Variants in ZBTB49 observed in about 807,000 individuals in gnomAD.
The protein encoded by ZBTB49 is zinc finger and BTB domain containing 49, also known as zinc finger and BTB domain-containing protein 49.
A neutral mutation model predicts 57.5 loss-of-function variants in ZBTB49; 43 were observed. The observed-to-expected ratio is 0.75, with a 90% CI of 0.59 to 0.97. The LOEUF (loss-of-function observed/expected upper bound fraction) is 0.97, where lower values mean the gene tolerates loss of function less well. ZBTB49 is among the 50% of genes least tolerant of loss of function. The probability of loss-of-function intolerance (pLI) is 0.00; values close to 1 mark genes in which losing one functional copy is unlikely to be tolerated. For synonymous variants in ZBTB49, 369 were observed against 362.1 expected, an observed-to-expected ratio of 1.02 and a Z score of -0.22; for missense variants, 938 against 947.7, an observed-to-expected ratio of 0.99 and a Z score of 0.13.
At chr4:4,316,312 G>A (rs1250613138) in intron 7 of ZBTB49, among the ~76,000 whole-genome samples, 8 of 152,260 alleles carry the variant, frequency 5.3e-5, no homozygotes, top group Non-Finnish European at 8.8e-5. Context: ...CAGCGGTCCC[G>A]CCAGAGCATT....
Position 4,302,297 on chromosome 4 carries a change from C to G in ZBTB49, c.461C>G (p.Pro154Arg), listed in dbSNP as rs886707920. The G allele has an allele frequency of 2.5e-6, 4 of 1,614,144 alleles. No individual in the cohort carries two copies. The highest frequency in any genetic ancestry group is 1.1e-5 in the South Asian group (1 of 91,082). Residue 154 changes from proline to arginine, a missense_variant, in exon 3 of 8, where the codon CCT becomes CGT. By Grantham distance (103) the Pro-to-Arg change is moderately radical. Coordinates refer to ENST00000337872, the MANE Select transcript of ZBTB49 (RefSeq NM_145291.4). The part of the protein sequence containing the change: ...ATCVISENYP[P>R]HLLQECSADA... Reference sequence around the variant, plus strand: ...TGTGTTATCAGTGAAAACTACCCCCCTCATTTACTGCAGGAATGTTCAGCA... The same window carrying G: ...TGTGTTATCAGTGAAAACTACCCCCGTCATTTACTGCAGGAATGTTCAGCA...
At chr4:4,300,925 G>A (rs1044555107) in intron 2 of ZBTB49, among the ~76,000 whole-genome samples, 4 of 151,506 alleles carry the variant, frequency 2.6e-5, no homozygotes, top group African/African-American at 9.7e-5. Flanking sequence ...TACTGCTCTA[G>A]TAGACAACGT....
chr4:4,297,608 A>C (rs995700202), intron 1 of ZBTB49, among the ~76,000 whole-genome samples: 2 of 151,984 alleles, frequency 1.3e-5, no homozygotes, highest in African/African-American at 4.8e-5. Context: ...AATGTAGCAA[A>C]ACCCCATCTC....
In ZBTB49 at chr4:4,302,827, G is replaced by C. The variant is rs1395331414; in HGVS notation, c.991G>C (p.Asp331His). ...GCAAGTATCTGAACCCAAGTCAGAT[G>C]ATGGTTTGACAAAGAGGTTGGAATC... The part of the protein sequence containing the change: ...AEQVSEPKSD[D>H]GLTKRLESAS... Residue 331 changes from aspartate to histidine, a missense_variant, in exon 3 of 8, where the codon GAT becomes CAT. Physicochemically the swap from Asp to His is moderately conservative, Grantham distance 81. Coordinates refer to ENST00000337872, the MANE Select transcript of ZBTB49 (RefSeq NM_145291.4). The C allele has an allele frequency of 6.2e-7, 1 of 1,614,036 alleles. No individual in the cohort carries two copies. The highest frequency in any genetic ancestry group is 1.7e-5 in the Admixed American group (1 of 60,024).
chr4:4,290,651 C>G (rs1280692758), intron 1 of ZBTB49, among the ~76,000 whole-genome samples: 1 of 152,252 alleles, frequency 6.6e-6, no homozygotes, highest in Admixed American at 6.5e-5. Context: ...CCCACCCGCG[C>G]CCTCTCATCT....
chr4:4,315,084 A>G (rs1560115519), intron 5 of ZBTB49, among the ~76,000 whole-genome samples: 1 of 152,284 alleles, frequency 6.6e-6, no homozygotes, highest in East Asian at 1.9e-4. Context: ...TGACAGCCAT[A>G]CCTCTTGGTC....
intron 7 of ZBTB49, 123 bp downstream of exon 7, chr4:4,316,093 C>T: frequency 7.9e-7 from 1 of 1,262,692 alleles, no homozygotes; most frequent in South Asian, 1.5e-5. Context: ...TTTTTTATTG[C>T]CTCACATGAT....
intron 2 of ZBTB49, among the ~76,000 whole-genome samples, chr4:4,301,385 A>G (rs1025151308): frequency 2.0e-5 from 3 of 152,194 alleles, no homozygotes; most frequent in Admixed American, 1.3e-4. Context: ...TGGCTGGCTG[A>G]AAAACCTAAC....
Position 4,301,967 on chromosome 4 carries a change from C to A in ZBTB49, c.153-22C>A, listed in dbSNP as rs765116790. 4.0e-6 allele frequency: 6 copies of A among 1,493,028 alleles called. No individual in the cohort carries two copies. In the African/African-American group the frequency reaches 5.6e-5, roughly 14 times the overall value. 92.5% of individuals were successfully genotyped at this position (1,493,028 alleles called of 1,614,324 possible). A position where few individuals can be genotyped will look rare whatever the true frequency, so the allele number is the denominator to read the frequency against. On this transcript the variant is annotated intron_variant, in intron 2 of 7. Transcript: ENST00000337872. ...TGGTGTGAATTTTTGGCACTGTAAA[C>A]AGATATTCTTTCTTTTACCAGGAGC...
At chr4:4,317,864 T>C (rs866006201) in intron 7 of ZBTB49, among the ~76,000 whole-genome samples, 2 of 152,218 alleles carry the variant, frequency 1.3e-5, no homozygotes, top group Non-Finnish European at 2.9e-5. Context: ...TGCACAGCCA[T>C]GCATTTCCGT....
At chr4:4,292,429 T>G (rs1326298810) in intron 1 of ZBTB49, among the ~76,000 whole-genome samples, 1 of 152,186 alleles carries the variant, frequency 6.6e-6, no homozygotes, top group Non-Finnish European at 1.5e-5. Context: ...TGTGTAAAGT[T>G]AAGTGAATGA....
In ZBTB49 at chr4:4,302,393, C is replaced by T; in HGVS notation, c.557C>T (p.Ser186Phe). 6.2e-7 allele frequency: 1 copy of T among 1,614,234 alleles called. No individual in the cohort carries two copies. Among genetic ancestry groups the T allele is most frequent in the Non-Finnish European group, 8.5e-7 (1 of 1,180,044 alleles). ...TCACCATCAGTTAATCGTCATCACT[C>T]CGCAGGTGAAATCTCAAAACAAGCT... Reference protein sequence around the residue: ...HASPSVNRHHSAGEISKQAPD... With the variant: ...HASPSVNRHHFAGEISKQAPD... Residue 186 changes from serine to phenylalanine, a missense_variant, in exon 3 of 8, where the codon TCC becomes TTC. By Grantham distance (155) the Ser-to-Phe change is radical. Around this residue, in one of 3 missense-constraint regions of ZBTB49, gnomAD observed 835 missense variants for 819.1 expected, o/e 1.02. Coordinates refer to ENST00000337872, the MANE Select transcript of ZBTB49 (RefSeq NM_145291.4).
Position 4,321,528 on chromosome 4 carries a change from G to T in ZBTB49, c.*212G>T. On this transcript the variant is annotated 3_prime_UTR_variant, in exon 8 of 8. Transcript: ENST00000337872. The stretch of plus-strand genomic sequence containing the variant: ...GCTCACCGTGAGGCAGCCGCGGGAG[G>T]GAGCGCTGACGTCACAGAAGCGAAG... The T allele has an allele frequency of 1.7e-6, 1 of 598,816 alleles. No homozygotes were observed. The highest frequency in any genetic ancestry group is 2.9e-5 in the East Asian group (1 of 34,688). 37.1% of individuals were successfully genotyped at this position (598,816 alleles called of 1,614,324 possible). A position where few individuals can be genotyped will look rare whatever the true frequency, so the allele number is the denominator to read the frequency against.
At position 4,299,812 on chromosome 4, in the gene ZBTB49, A is replaced by T. The variant is rs111397581; in HGVS notation, c.-19-115A>T. 4.5e-3 allele frequency: 3,011 copies of T among 664,468 alleles called. 47 individuals carry two copies. In the African/African-American group the frequency reaches 0.064, roughly 14 times the overall value. 41.2% of individuals were successfully genotyped at this position (664,468 alleles called of 1,614,324 possible). A position where few individuals can be genotyped will look rare whatever the true frequency, so the allele number is the denominator to read the frequency against. ...GTGTGTGTGTGTGTGTGTGTGTGTG[A>T]GAGAGAAACTGTGATGAGAGAGTGA... On this transcript the variant is annotated intron_variant, in intron 1 of 7. Coordinates refer to ENST00000337872, the MANE Select transcript of ZBTB49 (RefSeq NM_145291.4).
At chr4:4,298,363 T>A (rs182777423) in intron 1 of ZBTB49, among the ~76,000 whole-genome samples, 3 of 152,196 alleles carry the variant, frequency 2.0e-5, no homozygotes, top group African/African-American at 7.2e-5. Context: ...TCAGCCATGC[T>A]TGAGTACTGA....
In ZBTB49 at chr4:4,321,739, ACT is replaced by A. The variant is rs946185510; in HGVS notation, c.*425_*426del. On this transcript the variant is annotated 3_prime_UTR_variant, in exon 8 of 8. Coordinates refer to ENST00000337872, the MANE Select transcript of ZBTB49 (RefSeq NM_145291.4). ...TACACAGAATTTATTTGTATATGAA[ACT>A]CATACCATAATTTAATTCGAATAAA... 2 of 177,536 alleles carry A rather than the reference ACT, an allele frequency of 1.1e-5. No individual in the cohort carries two copies. The highest frequency in any genetic ancestry group is 4.8e-5 in the African/African-American group (2 of 41,670). The allele number at this position is 177,536 out of a possible 1,614,324, so 11.0% of individuals were successfully genotyped here.
intron 3 of ZBTB49, 80 bp downstream of exon 3, chr4:4,303,171 T>C: frequency 7.0e-7 from 1 of 1,429,270 alleles, no homozygotes; most frequent in Non-Finnish European, 9.2e-7. Context: ...CTTGTTTTTG[T>C]AAGAAGTTTT....
At chr4:4,295,405 A>G (rs985338109) in intron 1 of ZBTB49, among the ~76,000 whole-genome samples, 1 of 152,204 alleles carries the variant, frequency 6.6e-6, no homozygotes, top group African/African-American at 2.4e-5. Context: ...CCCATGATCC[A>G]GTCACCTCCC....
chr4:4,292,007 G>C (rs138178978), intron 1 of ZBTB49, among the ~76,000 whole-genome samples: 1 of 151,946 alleles, frequency 6.6e-6, no homozygotes, highest in African/African-American at 2.4e-5. Context: ...GTGTGGTGGC[G>C]CATGCCTGTA....
Sources: allele counts gnomAD v4.1 joint callset (sites outside exome capture counted in the v4.1 genomes callset), GRCh38; gene constraint gnomAD v4.1.1; regional missense constraint gnomAD v4.1.1; transcripts MANE v1.5; gene names NCBI Gene and HGNC (gene_info 2026-07-23, HGNC 2026-07-21).